Variants in STK32B observed in about 807,000 individuals in gnomAD.
STK32B encodes the protein serine/threonine kinase 32B, also known as serine/threonine-protein kinase 32B.
STK32B carries 43 observed loss-of-function variants against 52.6 expected under a neutral mutation model. That is an observed-to-expected ratio of 0.82 (90% confidence interval 0.64 to 1.05). The LOEUF (loss-of-function observed/expected upper bound fraction) is 1.05, where lower values mean the gene tolerates loss of function less well. STK32B is among the 50% of genes least tolerant of loss of function. STK32B has a pLI of 0.00. For synonymous variants in STK32B, 238 were observed against 204.3 expected (o/e 1.17, Z -1.41); for missense variants, 621 against 534.6 (o/e 1.16, Z -1.59).
At chr4:5,376,055 C>A (rs1319333166) in intron 4 of STK32B, among the ~76,000 whole-genome samples, 1 of 152,178 alleles carries the variant, frequency 6.6e-6, no homozygotes, top group Non-Finnish European at 1.5e-5. Flanking sequence ...TTCCCACTAT[C>A]CAGCCCCCAG....
At chr4:5,334,484 A>G (rs1050877991) in intron 4 of STK32B, among the ~76,000 whole-genome samples, 3 of 152,064 alleles carry the variant, frequency 2.0e-5, no homozygotes, top group African/African-American at 7.3e-5. Flanking sequence ...TCTCCTGCCT[A>G]ATTGCCCTGG....
chr4:5,492,064 T>C (rs1719782328), intron 11 of STK32B, among the ~76,000 whole-genome samples: 1 of 152,168 alleles, frequency 6.6e-6, no homozygotes, highest in Admixed American at 6.5e-5. Flanking sequence ...CAATGCGGGC[T>C]CTTTTTTGGT....
At chr4:5,427,871 C>G (rs1713230878) in intron 6 of STK32B, among the ~76,000 whole-genome samples, 1 of 151,434 alleles carries the variant, frequency 6.6e-6, no homozygotes, top group African/African-American at 2.4e-5. Flanking sequence ...TTGATTTTCT[C>G]TATTATTTTT....
rs534745461 is a variant in STK32B at position 5,235,201 on chromosome 4, A to T, written c.260+66751A>T. 2.6e-5 allele frequency among the ~76,000 whole-genome samples: 4 copies of T among 152,334 alleles called. No homozygotes were observed. The South Asian group carries it at 8.3e-4, about 32-fold the overall frequency. On this transcript the variant is annotated intron_variant, in intron 3 of 11. Coordinates refer to ENST00000282908, the MANE Select transcript of STK32B (RefSeq NM_018401.3). ...CAGTTTTCTGGTCTATAAAATGGTG[A>T]TTGCACTGCCTGTTGCACATGGTGG...
chr4:5,034,446 C>T, the STK32B span, among the ~76,000 whole-genome samples: 234 of 152,266 alleles, frequency 1.5e-3, 1 homozygote, highest in African/African-American at 5.1e-3. Flanking sequence ...ATATTCTATG[C>T]GCTCCCCTCC....
chr4:5,243,814 T>G (rs933815917), intron 3 of STK32B, among the ~76,000 whole-genome samples: 1 of 152,176 alleles, frequency 6.6e-6, no homozygotes, highest in African/African-American at 2.4e-5. Context: ...GTCAAAGGCC[T>G]TTTCTGCATC....
Position 5,450,224 on chromosome 4 carries a change from T to G in STK32B, c.666+3448T>G, listed in dbSNP as rs376894174. On this transcript the variant is annotated intron_variant, in intron 7 of 11. Transcript: ENST00000282908. ...GCTGATTGAAAGAAAAAGGCCCAAG[T>G]AGGGGCCACTCCCCAGAATTCCTTT... Among the ~76,000 whole-genome samples the G allele has an allele frequency of 5.3e-4, 81 of 152,258 alleles. 4 individuals carry two copies. The South Asian group carries it at 0.01, about 20-fold the overall frequency.
the STK32B span, among the ~76,000 whole-genome samples, chr4:5,034,838 C>A: frequency 6.6e-6 from 1 of 152,176 alleles, no homozygotes; most frequent in South Asian, 2.1e-4. Flanking sequence ...ATGTTCATGG[C>A]AGCCTGGTCA....
At chr4:5,077,874 G>C (rs1307823758) in intron 1 of STK32B, among the ~76,000 whole-genome samples, 1 of 152,080 alleles carries the variant, frequency 6.6e-6, no homozygotes, top group Non-Finnish European at 1.5e-5. Flanking sequence ...TCAGGTAATA[G>C]AAAAGGCAAC....
intron 1 of STK32B, among the ~76,000 whole-genome samples, chr4:5,124,866 A>ACCTT (rs771691607): frequency 9.2e-5 from 14 of 152,178 alleles, no homozygotes; most frequent in Non-Finnish European, 1.8e-4. Context: ...CCCGTCATGA[A>ACCTT]CCTTCCCCTC....
intron 3 of STK32B, among the ~76,000 whole-genome samples, chr4:5,311,220 C>T (rs1730269742): frequency 6.6e-6 from 1 of 152,096 alleles, no homozygotes; most frequent in Admixed American, 6.5e-5. Flanking sequence ...CCTGGAAGAG[C>T]AGATTTTGAA....
intron 7 of STK32B, 25 bp from the exon 8 acceptor site, chr4:5,456,782 T>G: frequency 6.5e-7 from 1 of 1,544,546 alleles, no homozygotes; most frequent in Non-Finnish European, 8.8e-7. Flanking sequence ...TCTCTCTGAT[T>G]CTGGCTGTTG....
chr4:5,498,351 C>CTCAACATAGTTTGTAATA (rs1720462886), intron 11 of STK32B, among the ~76,000 whole-genome samples: 1 of 152,206 alleles, frequency 6.6e-6, no homozygotes, highest in Non-Finnish European at 1.5e-5. Flanking sequence ...ATCATACCCC[C>CTCAACATAGTTTGTAATA]TCAACATAGT....
intron 3 of STK32B, among the ~76,000 whole-genome samples, chr4:5,278,659 A>G (rs1338284179): frequency 6.6e-6 from 1 of 152,196 alleles, no homozygotes; most frequent in African/African-American, 2.4e-5. Flanking sequence ...ATATTGTTAC[A>G]GAGAGTTATG....
chr4:5,418,077 A>G (rs1024298975), intron 6 of STK32B, among the ~76,000 whole-genome samples: 2 of 152,196 alleles, frequency 1.3e-5, no homozygotes, highest in African/African-American at 4.8e-5. Context: ...CACATAGCCA[A>G]CCACGTGGAA....
intron 4 of STK32B, among the ~76,000 whole-genome samples, chr4:5,379,730 G>T (rs1735815484): frequency 6.6e-6 from 1 of 152,156 alleles, no homozygotes; most frequent in Non-Finnish European, 1.5e-5. Context: ...GGCAAAGATG[G>T]CCACCTGCAA....
intron 1 of STK32B, among the ~76,000 whole-genome samples, chr4:5,100,221 TG>T (rs1180588738): frequency 6.6e-6 from 1 of 152,102 alleles, no homozygotes; most frequent in Non-Finnish European, 1.5e-5. Context: ...CTCTCGTCTC[TG>T]GGCCACAGGA....
the STK32B span, among the ~76,000 whole-genome samples, chr4:5,039,132 A>G: frequency 6.6e-6 from 1 of 151,924 alleles, no homozygotes; most frequent in Non-Finnish European, 1.5e-5. Context: ...GATGGCAGGC[A>G]TATGCCATCA....
chr4:5,181,260 G>C (rs1720329175), intron 3 of STK32B, among the ~76,000 whole-genome samples: 1 of 151,598 alleles, frequency 6.6e-6, no homozygotes, highest in African/African-American at 2.4e-5. Context: ...GCTGAATGAA[G>C]TCATAACAGT....
Sources: gnomAD v4.1 joint callset for allele counts (sites outside exome capture counted in the v4.1 genomes callset) on GRCh38, gnomAD v4.1.1 for gene constraint, MANE v1.5 for transcripts, NCBI Gene and HGNC (gene_info 2026-07-23, HGNC 2026-07-21) for gene names.